Variants in CDH13 observed in about 807,000 individuals in gnomAD.
CDH13 encodes cadherin-13.
In CDH13, 24 loss-of-function variants were observed where a neutral mutation model predicts 63.8. That is an observed-to-expected ratio of 0.38 (90% CI 0.27 to 0.53). The LOEUF is 0.53. CDH13 is among the 20% of genes least tolerant of loss of function. The pLI is 0.85. For synonymous variants in CDH13, 503 were observed against 355.3 expected (o/e 1.42, Z -4.67); for missense variants, 1,049 against 903.1 (o/e 1.16, Z -2.07).
intron 2 of CDH13, among the ~76,000 whole-genome samples, chr16:83,020,267 G>A (rs1422636773): frequency 2.0e-5 from 3 of 152,124 alleles, no homozygotes; most frequent in Non-Finnish European, 4.4e-5. Context: ...TTTTATTCTG[G>A]TTATTTCTGG....
chr16:83,713,419 T>C (rs1908369970), intron 10 of CDH13, among the ~76,000 whole-genome samples: 1 of 152,036 alleles, frequency 6.6e-6, no homozygotes, highest in Non-Finnish European at 1.5e-5. Flanking sequence ...TGCATTCTTT[T>C]ATACAGAGTT....
intron 2 of CDH13, among the ~76,000 whole-genome samples, chr16:83,009,220 A>G (rs1024332017): frequency 1.3e-5 from 2 of 152,260 alleles, no homozygotes; most frequent in Non-Finnish European, 1.5e-5. Context: ...GTCTTTTGAT[A>G]TTAGCATCCA....
intron 7 of CDH13, among the ~76,000 whole-genome samples, chr16:83,601,431 G>T (rs949861783): frequency 6.6e-6 from 1 of 152,224 alleles, no homozygotes; most frequent in African/African-American, 2.4e-5. Flanking sequence ...TGTGAAGAGA[G>T]AGAATAGTGC....
At chr16:83,046,742 G>T (rs1407185105) in intron 3 of CDH13, among the ~76,000 whole-genome samples, 1 of 152,174 alleles carries the variant, frequency 6.6e-6, no homozygotes, top group Non-Finnish European at 1.5e-5. Flanking sequence ...GCCCCAGAAT[G>T]CCTCCTAGAT....
chr16:83,102,919 T>A (rs2034557628), intron 3 of CDH13, among the ~76,000 whole-genome samples: 1 of 108,178 alleles, frequency 9.2e-6, no homozygotes, highest in Non-Finnish European at 1.8e-5. Context: ...TTCTTTTTTT[T>A]TTTTCTTTTT....
chr16:83,166,838 C>G (rs988210510), intron 4 of CDH13, among the ~76,000 whole-genome samples: 1 of 152,128 alleles, frequency 6.6e-6, no homozygotes, highest in East Asian at 1.9e-4. Flanking sequence ...GAAGCAAGGA[C>G]AAGTGTATTA....
intron 2 of CDH13, among the ~76,000 whole-genome samples, chr16:82,861,025 T>C (rs560028758): frequency 6.6e-6 from 1 of 152,242 alleles, no homozygotes; most frequent in East Asian, 1.9e-4. Flanking sequence ...ATGAGTGAAG[T>C]GTGCTATCAA....
intron 2 of CDH13, among the ~76,000 whole-genome samples, chr16:83,028,828 C>T (rs1368221886): frequency 6.6e-6 from 1 of 152,102 alleles, no homozygotes; most frequent in African/African-American, 2.4e-5. Context: ...GAAAGCCAAG[C>T]CATGGAGATG....
intron 2 of CDH13, among the ~76,000 whole-genome samples, chr16:82,941,823 G>C (rs1473923906): frequency 1.3e-5 from 2 of 152,158 alleles, no homozygotes; most frequent in Non-Finnish European, 2.9e-5. Flanking sequence ...CCCTCATTGA[G>C]TTCCAGTCTC....
At chr16:83,151,539 G>T (rs911444705) in intron 4 of CDH13, among the ~76,000 whole-genome samples, 1 of 152,144 alleles carries the variant, frequency 6.6e-6, no homozygotes, top group Non-Finnish European at 1.5e-5. Context: ...CCCCTAAAAG[G>T]CGGTGGATTT....
intron 3 of CDH13, among the ~76,000 whole-genome samples, chr16:83,112,456 AC>A (rs1225212893): frequency 2.0e-5 from 3 of 152,244 alleles, no homozygotes; most frequent in Non-Finnish European, 4.4e-5. Flanking sequence ...GTATGTGTAT[AC>A]ACAGGTGGTA....
rs187399982 is a variant in CDH13, at chr16:82,835,090, A to G, written c.46-23272A>G. On this transcript the variant is annotated intron_variant, in intron 1 of 13. Coordinates refer to ENST00000567109, the MANE Select transcript of CDH13 (RefSeq NM_001257.5). ...ATTGTAGTGTGTTTTCTTTAACCCAATATATTCAAGTAGTATCCCTGCAAC... is the reference window on the plus strand; with the variant it reads ...ATTGTAGTGTGTTTTCTTTAACCCAGTATATTCAAGTAGTATCCCTGCAAC... Among the ~76,000 whole-genome samples the G allele has an allele frequency of 1.7e-3, 258 of 152,342 alleles. 1 individual carries two copies. Among genetic ancestry groups the G allele is most frequent in the Non-Finnish European group, 2.9e-3 (194 of 68,034 alleles).
chr16:83,339,611 G>T (rs1012687269), intron 5 of CDH13, among the ~76,000 whole-genome samples: 1 of 152,132 alleles, frequency 6.6e-6, no homozygotes, highest in African/African-American at 2.4e-5. Flanking sequence ...CCCGGATCTG[G>T]TGTGTCAGCA....
intron 1 of CDH13, among the ~76,000 whole-genome samples, chr16:82,724,373 A>G (rs150762035): frequency 6.8e-4 from 104 of 152,302 alleles, no homozygotes; most frequent in Middle Eastern, 3.4e-3. Context: ...GCCAGGTGCC[A>G]TGCTATTGAT....
intron 6 of CDH13, among the ~76,000 whole-genome samples, chr16:83,399,176 A>G (rs1402318179): frequency 6.6e-6 from 1 of 152,200 alleles, no homozygotes; most frequent in Non-Finnish European, 1.5e-5. Context: ...GATCCTGAAC[A>G]TGCTCCTTTT....
intron 4 of CDH13, among the ~76,000 whole-genome samples, chr16:83,191,840 G>A (rs2038725586): frequency 6.6e-6 from 1 of 151,924 alleles, no homozygotes; most frequent in Non-Finnish European, 1.5e-5. Flanking sequence ...GATTAAGGGT[G>A]GGTCTGCCTT....
chr16:83,267,890 T>C (rs576456295), intron 5 of CDH13, among the ~76,000 whole-genome samples: 11 of 152,316 alleles, frequency 7.2e-5, no homozygotes, highest in Admixed American at 5.2e-4. Flanking sequence ...GCCCCACACA[T>C]GTGCTCTCAT....
At chr16:82,713,739 C>A (rs2032135983) in intron 1 of CDH13, among the ~76,000 whole-genome samples, 1 of 148,116 alleles carries the variant, frequency 6.8e-6, no homozygotes, top group African/African-American at 2.5e-5. Context: ...CATGTTTCAC[C>A]TAGGTCTCTG....
At chr16:83,041,726 G>A (rs1245429407) in intron 3 of CDH13, among the ~76,000 whole-genome samples, 2 of 152,072 alleles carry the variant, frequency 1.3e-5, no homozygotes, top group East Asian at 1.9e-4. Context: ...AATCAGAAAC[G>A]AATCACACAT....
Sources: gnomAD v4.1 joint callset for allele counts (sites outside exome capture counted in the v4.1 genomes callset) on GRCh38, gnomAD v4.1.1 for gene constraint, MANE v1.5 for transcripts, NCBI Gene and HGNC (gene_info 2026-07-23, HGNC 2026-07-21) for gene names.